The following XXYLT1 variants were observed in gnomAD, a reference collection of about 807,000 sequenced individuals.
XXYLT1 encodes the protein xyloside xylosyltransferase 1.
Under a neutral mutation model 28.9 loss-of-function variants are expected in XXYLT1, and 20 were observed. The observed-to-expected ratio is 0.69, with a 90% CI of 0.49 to 1.00. The LOEUF (loss-of-function observed/expected upper bound fraction) is 1.00, where lower values mean the gene tolerates loss of function less well. XXYLT1 is among the 50% of genes least tolerant of loss of function. The pLI is 0.00. For missense variants in XXYLT1, 542 were observed against 560.1 expected (o/e 0.97, Z 0.33); for synonymous variants, 257 against 253.8 (o/e 1.01, Z -0.12).
At chr3:195,225,777 A>G (rs1724021951) in intron 2 of XXYLT1, among the ~76,000 whole-genome samples, 1 of 152,042 alleles carries the variant, frequency 6.6e-6, no homozygotes, top group African/African-American at 2.4e-5. Context: ...AGTTATCCTC[A>G]TGCTGTTCTC....
At chr3:195,071,097 G>A (rs1308162844) in intron 3 of XXYLT1, among the ~76,000 whole-genome samples, 1 of 152,192 alleles carries the variant, frequency 6.6e-6, no homozygotes, top group Non-Finnish European at 1.5e-5. Flanking sequence ...GTGTGCAGGT[G>A]GAGGGGAGAG....
Position 195,069,395 on chromosome 3 carries a change from C to G in XXYLT1, c.*320G>C. ...GGCCGGGTCTAAAGGATTTCCATTC[C>G]TCAGAGGCAGACAGCAAGGGGGACC... On this transcript the variant is annotated 3_prime_UTR_variant, in exon 4 of 4. Coordinates refer to ENST00000310380, the MANE Select transcript of XXYLT1 (RefSeq NM_152531.5). The G allele has an allele frequency of 3.0e-6, 1 of 328,846 alleles. No homozygotes were observed. Among genetic ancestry groups the G allele is most frequent in the Admixed American group, 4.4e-5 (1 of 22,758 alleles). 20.4% of individuals were successfully genotyped at this position (328,846 alleles called of 1,614,324 possible).
intron 1 of XXYLT1, among the ~76,000 whole-genome samples, chr3:195,268,133 A>G (rs1177996462): frequency 6.6e-6 from 1 of 152,036 alleles, no homozygotes; most frequent in Non-Finnish European, 1.5e-5. Context: ...AAACAAAACA[A>G]AACAAAGTAA....
At chr3:195,251,657 A>G (rs1725260891) in intron 1 of XXYLT1, among the ~76,000 whole-genome samples, 1 of 152,200 alleles carries the variant, frequency 6.6e-6, no homozygotes, top group East Asian at 1.9e-4. Context: ...GGAGCCACGC[A>G]GGTCTGCTCT....
rs1270459505 is a variant in XXYLT1, at chr3:195,150,169, T to C, written c.785+6280A>G. Reference sequence around the variant, plus strand: ...TGCCACCACCACCCAGGAGTGCTGCTCGTGCTAGGCACCATAAATACATTA... The same window carrying C: ...TGCCACCACCACCCAGGAGTGCTGCCCGTGCTAGGCACCATAAATACATTA... On this transcript the variant is annotated intron_variant, in intron 3 of 3. Transcript: ENST00000310380. The surrounding 1 kb of genome is among the most constrained non-coding windows in gnomAD (Gnocchi z 4.7). Among the ~76,000 whole-genome samples, 1 of 139,364 alleles carries C rather than the reference T, an allele frequency of 7.2e-6. No homozygotes were observed. The highest frequency in any genetic ancestry group is 1.5e-5 in the Non-Finnish European group (1 of 65,328). 91.4% of individuals were successfully genotyped at this position (139,364 alleles called of 152,430 possible). A position where few individuals can be genotyped will look rare whatever the true frequency, so the allele number is the denominator to read the frequency against.
intron 3 of XXYLT1, among the ~76,000 whole-genome samples, chr3:195,119,729 T>G (rs2108611541): frequency 6.6e-6 from 1 of 152,318 alleles, no homozygotes; most frequent in Non-Finnish European, 1.5e-5. Context: ...CCCGAATGCC[T>G]CTTTTGTTCC....
At chr3:195,197,125 C>T (rs1324056718) in intron 2 of XXYLT1, among the ~76,000 whole-genome samples, 1 of 152,154 alleles carries the variant, frequency 6.6e-6, no homozygotes, top group East Asian at 1.9e-4. Context: ...CTCCATTTTC[C>T]TCTGGGATAT....
chr3:195,247,657 C>T (rs888053397), intron 1 of XXYLT1: 2 of 576,572 alleles, frequency 3.5e-6, no homozygotes, highest in African/African-American at 1.9e-5. Flanking sequence ...CTGCCAGGCT[C>T]GAACCCTCCG....
chr3:195,212,083 G>A lies in XXYLT1; in HGVS notation c.652+14626C>T, dbSNP rs571846153. On this transcript the variant is annotated intron_variant, in intron 2 of 3. Transcript: ENST00000310380. ...TGGAGGAGGAGAGGGGGCAAGCCAC[G>A]GAATGCCATGGGAAGATCTGGAGGA... Among the ~76,000 whole-genome samples, 246 of 133,398 alleles carry A rather than the reference G, an allele frequency of 1.8e-3. 6 individuals are homozygous for A. The highest frequency in any genetic ancestry group is 7.0e-3 in the African/African-American group (222 of 31,512). The allele number at this position is 133,398 out of a possible 152,430, so 87.5% of individuals were successfully genotyped here. A position where few individuals can be genotyped will look rare whatever the true frequency, so the allele number is the denominator to read the frequency against.
chr3:195,104,487 G>A (rs1716981571), intron 3 of XXYLT1, among the ~76,000 whole-genome samples: 1 of 152,174 alleles, frequency 6.6e-6, no homozygotes, highest in East Asian at 1.9e-4. Context: ...TGCCTGCTGG[G>A]AAAGGGTATG....
At chr3:195,259,656 C>T (rs1243518434) in intron 1 of XXYLT1, 34 of 985,206 alleles carry the variant, frequency 3.5e-5, no homozygotes, top group Non-Finnish European at 3.7e-5. Context: ...GAGTCCCTCC[C>T]GCAATTAAGG....
chr3:195,212,933 C>G (rs1212869916), intron 2 of XXYLT1, among the ~76,000 whole-genome samples: 1 of 152,226 alleles, frequency 6.6e-6, no homozygotes, highest in African/African-American at 2.4e-5. Flanking sequence ...GGCGCTCCAC[C>G]CATGGTATGC....
At chr3:195,258,747 G>A (rs1428221432) in intron 1 of XXYLT1, among the ~76,000 whole-genome samples, 1 of 152,202 alleles carries the variant, frequency 6.6e-6, no homozygotes, top group East Asian at 1.9e-4. Flanking sequence ...CATCAAATAA[G>A]GCTAAGGCAT....
At chr3:195,260,653 A>T (rs1270412670) in intron 1 of XXYLT1, among the ~76,000 whole-genome samples, 1 of 151,322 alleles carries the variant, frequency 6.6e-6, no homozygotes, top group Non-Finnish European at 1.5e-5. Context: ...CTCTCAACCG[A>T]CCCCTCCGAA....
At chr3:195,137,616 CTG>C (rs1181989976) in intron 3 of XXYLT1, among the ~76,000 whole-genome samples, 2 of 152,230 alleles carry the variant, frequency 1.3e-5, no homozygotes, top group African/African-American at 4.8e-5. Flanking sequence ...AGAGGTGGTG[CTG>C]CTGCGCACTC....
chr3:195,262,607 G>A (rs1319614131), intron 1 of XXYLT1, among the ~76,000 whole-genome samples: 4 of 152,212 alleles, frequency 2.6e-5, no homozygotes, highest in Admixed American at 6.5e-5. Flanking sequence ...CAGTTAATCC[G>A]TGCATTGAGG....
chr3:195,227,061 A>G (rs1724088051), intron 1 of XXYLT1, among the ~76,000 whole-genome samples: 1 of 152,016 alleles, frequency 6.6e-6, no homozygotes, highest in South Asian at 2.1e-4. Flanking sequence ...CACTAAGGAG[A>G]TGGGGACACT....
At chr3:195,109,132 C>T (rs1203416238) in intron 3 of XXYLT1, among the ~76,000 whole-genome samples, 5 of 152,314 alleles carry the variant, frequency 3.3e-5, no homozygotes, top group Non-Finnish European at 1.5e-5. Flanking sequence ...AAAATTCATG[C>T]TCAGCATTCC....
chr3:195,159,167 C>T (rs1013309936), intron 2 of XXYLT1, among the ~76,000 whole-genome samples: 4 of 152,188 alleles, frequency 2.6e-5, no homozygotes, highest in African/African-American at 7.2e-5. Context: ...TAGACAGCTA[C>T]AAGACTCACA....
Sources: gnomAD v4.1 joint callset for allele counts (sites outside exome capture counted in the v4.1 genomes callset) on GRCh38, gnomAD v4.1.1 for gene constraint, Gnocchi (gnomAD v3.1) non-coding constraint, MANE v1.5 for transcripts, NCBI Gene and HGNC (gene_info 2026-07-23, HGNC 2026-07-21) for gene names.